Variants in IQCM observed in about 807,000 individuals in gnomAD.
The protein encoded by IQCM is IQ domain-containing protein M.
Under a neutral mutation model 57.6 loss-of-function variants are expected in IQCM, and 45 were observed. The ratio of observed to expected loss-of-function variants is 0.78; its 90% confidence interval spans 0.62 to 1.00. IQCM has a LOEUF of 1.00. Among genes scored for constraint, IQCM ranks in the 50% least tolerant of loss-of-function variants. IQCM has a pLI of 0.00. For synonymous variants in IQCM, 148 were observed against 158.9 expected, an observed-to-expected ratio of 0.93 and a Z score of 0.51; for missense variants, 468 against 511.6, an observed-to-expected ratio of 0.91 and a Z score of 0.82.
chr4:149,465,714 G>A (rs934435822), intron 12 of IQCM, among the ~76,000 whole-genome samples: 1 of 151,828 alleles, frequency 6.6e-6, no homozygotes, highest in African/African-American at 2.4e-5. Flanking sequence ...TAAATAATCA[G>A]GGCTTCTTCA....
chr4:149,459,384 T>C (rs967532021), intron 12 of IQCM, among the ~76,000 whole-genome samples: 1 of 152,196 alleles, frequency 6.6e-6, no homozygotes, highest in African/African-American at 2.4e-5. Flanking sequence ...GAAGAAGTAA[T>C]TGCAAAAATG....
chr4:149,633,505 TTGA>T (rs1757471804), intron 7 of IQCM, among the ~76,000 whole-genome samples: 1 of 152,164 alleles, frequency 6.6e-6, no homozygotes, highest in African/African-American at 2.4e-5. Context: ...TAATTGAAAA[TTGA>T]TGATACTAAT....
intron 12 of IQCM, among the ~76,000 whole-genome samples, chr4:149,524,538 A>G (rs1416294826): frequency 6.6e-6 from 1 of 152,060 alleles, no homozygotes; most frequent in Non-Finnish European, 1.5e-5. Flanking sequence ...GGAGAACTAG[A>G]GTGATAGCTA....
intron 10 of IQCM, 61 bp downstream of exon 10, chr4:149,563,631 C>A: frequency 9.1e-7 from 1 of 1,103,032 alleles, no homozygotes; most frequent in South Asian, 4.6e-5. Context: ...ATTCAAAATT[C>A]TACTGAATTG....
chr4:149,627,226 G>T (rs914824452), intron 7 of IQCM, among the ~76,000 whole-genome samples: 1 of 152,162 alleles, frequency 6.6e-6, no homozygotes, highest in African/African-American at 2.4e-5. Flanking sequence ...TGAAGGTGTG[G>T]AATAGGAAAG....
At chr4:149,699,363 TA>T (rs1763584474) in intron 5 of IQCM, among the ~76,000 whole-genome samples, 1 of 151,984 alleles carries the variant, frequency 6.6e-6, no homozygotes, top group Admixed American at 6.6e-5. Context: ...TTTTACCAAG[TA>T]AATACCATGG....
intron 13 of IQCM, among the ~76,000 whole-genome samples, chr4:149,357,568 A>T (rs1265451274): frequency 6.6e-6 from 1 of 152,138 alleles, no homozygotes; most frequent in East Asian, 1.9e-4. Context: ...CATGTGTTGA[A>T]CCAGCCTTGC....
chr4:149,584,284 A>G (rs2149992843), intron 9 of IQCM, among the ~76,000 whole-genome samples: 1 of 151,676 alleles, frequency 6.6e-6, no homozygotes, highest in South Asian at 2.1e-4. Flanking sequence ...ACTTTCAGAA[A>G]CTTATGGAGT....
chr4:149,410,478 T>G (rs1013680653), intron 13 of IQCM, among the ~76,000 whole-genome samples: 132 of 149,740 alleles, frequency 8.8e-4, no homozygotes, highest in African/African-American at 3.0e-3. Context: ...ATATTATATA[T>G]CAATATATGA....
intron 12 of IQCM, among the ~76,000 whole-genome samples, chr4:149,461,650 T>A (rs1579135388): frequency 7.9e-6 from 1 of 126,724 alleles, no homozygotes; most frequent in African/African-American, 3.2e-5. Context: ...CAAGACCCAG[T>A]CTCCAAAAAA....
At chr4:149,473,019 A>T (rs566279354) in intron 12 of IQCM, among the ~76,000 whole-genome samples, 1 of 152,078 alleles carries the variant, frequency 6.6e-6, no homozygotes, top group Non-Finnish European at 1.5e-5. Context: ...CCATAAAAAC[A>T]CTAGAAGAAA....
chr4:149,672,801 G>T lies in IQCM; in HGVS notation c.565+9317C>A, dbSNP rs534832279. Among the ~76,000 whole-genome samples, 4 of 152,170 alleles carry T rather than the reference G, an allele frequency of 2.6e-5. No individual in the cohort carries two copies. In the South Asian group the frequency reaches 8.3e-4, roughly 32 times the overall value. ...ACACCACAAAGATACTCCTCGAGAA[G>T]AGCAATCCCAAGACACATAATTTTC... is the stretch of plus-strand genomic sequence containing the variant. On this transcript the variant is annotated intron_variant, in intron 7 of 13. Coordinates refer to ENST00000636793, the MANE Select transcript of IQCM (RefSeq NM_001363507.2).
chr4:149,656,803 T>C (rs1480002235), intron 7 of IQCM, among the ~76,000 whole-genome samples: 4 of 152,098 alleles, frequency 2.6e-5, no homozygotes, highest in Non-Finnish European at 5.9e-5. Flanking sequence ...CTGGACATTT[T>C]TTTTCCAGTT....
chr4:149,766,194 A>G (rs1770038793), intron 2 of IQCM, among the ~76,000 whole-genome samples: 1 of 152,098 alleles, frequency 6.6e-6, no homozygotes. Context: ...ATTATGCCCC[A>G]TCTACAGACA....
At chr4:149,775,548 C>G (rs1053246589) in intron 2 of IQCM, among the ~76,000 whole-genome samples, 3 of 152,194 alleles carry the variant, frequency 2.0e-5, no homozygotes, top group African/African-American at 7.2e-5. Flanking sequence ...TATTTGTCAA[C>G]ACAGGTCATA....
At chr4:149,361,837 A>T (rs1729513559) in intron 13 of IQCM, among the ~76,000 whole-genome samples, 2 of 152,194 alleles carry the variant, frequency 1.3e-5, no homozygotes, top group South Asian at 4.1e-4. Context: ...GAGAGCTGTG[A>T]GAAGAGGGCC....
chr4:149,687,128 G>T (rs182915511), intron 5 of IQCM, among the ~76,000 whole-genome samples: 14 of 151,650 alleles, frequency 9.2e-5, no homozygotes, highest in Admixed American at 7.9e-4. Context: ...TACTAGCTCA[G>T]ATATATTATT....
At position 149,459,895 on chromosome 4, in the gene IQCM, C is replaced by T. The variant is rs532168752; in HGVS notation, c.1229-26338G>A. ...TTGCGAACGTGGGTTGAACAAATACCTTTTTAAGACCATGCTTTCAATTAT... is the reference window on the plus strand; with the variant it reads ...TTGCGAACGTGGGTTGAACAAATACTTTTTTAAGACCATGCTTTCAATTAT... On this transcript the variant is annotated intron_variant, in intron 12 of 13. Transcript: ENST00000636793. 2.8e-3 allele frequency among the ~76,000 whole-genome samples: 428 copies of T among 152,180 alleles called. 7 individuals carry two copies. Among genetic ancestry groups the T allele is most frequent in the African/African-American group, 9.8e-3 (406 of 41,530 alleles).
chr4:149,744,829 G>GA (rs1327683404), intron 2 of IQCM, among the ~76,000 whole-genome samples: 8 of 151,420 alleles, frequency 5.3e-5, no homozygotes, highest in South Asian at 4.2e-4. Flanking sequence ...ATTTATTTCA[G>GA]AAAAAAAAGC....
Sources: gnomAD v4.1 joint callset for allele counts (sites outside exome capture counted in the v4.1 genomes callset) on GRCh38, gnomAD v4.1.1 for gene constraint, MANE v1.5 for transcripts, NCBI Gene and HGNC (gene_info 2026-07-23, HGNC 2026-07-21) for gene names.